MCTS1: variants seen among roughly 807,000 people sequenced by gnomAD.
MCTS1 encodes the protein MCTS1 re-initiation and release factor.
For synonymous variants in MCTS1, 26 were observed against 40.8 expected (o/e 0.64, Z 1.38); for missense variants, 55 against 128.6 (o/e 0.43, Z 2.77).
In MCTS1 at chrX:120,618,627, C is replaced by T. The variant is rs1273164957; in HGVS notation, c.*6363C>T. Among the ~76,000 whole-genome samples, 1 of 112,243 alleles carries T rather than the reference C, an allele frequency of 8.9e-6. No homozygotes were observed. The highest frequency in any genetic ancestry group is 2.8e-4 in the East Asian group (1 of 3,630). On this transcript the variant is annotated 3_prime_UTR_variant, in exon 6 of 6. Coordinates refer to ENST00000371317, the MANE Select transcript of MCTS1 (RefSeq NM_014060.3). The stretch of plus-strand genomic sequence containing the variant: ...TTAATGGGATAATAGCAATCTCTAA[C>T]CCATCAAATTAATATCTACTAAATA...
chrX:120,605,615 A>G, intron 2 of MCTS1, 56 bp downstream of exon 2: 1 of 1,054,528 alleles, frequency 9.5e-7, no homozygotes, highest in Non-Finnish European at 1.3e-6. Flanking sequence ...TTTAATGATT[A>G]GATTGCACTC....
intron 4 of MCTS1, among the ~76,000 whole-genome samples, chrX:120,609,007 A>G (rs889329449): frequency 8.9e-6 from 1 of 111,883 alleles, no homozygotes; most frequent in Non-Finnish European, 1.9e-5. Flanking sequence ...ATAATTCTGC[A>G]TTATTTCCAT....
chrX:120,607,838 G>A (rs754718031), intron 3 of MCTS1, among the ~76,000 whole-genome samples: 1 of 110,342 alleles, frequency 9.1e-6, no homozygotes, highest in South Asian at 3.8e-4. Context: ...CTTTTTAATC[G>A]TTTTTTTACT....
At chrX:120,609,308 G>A (rs1310818949) in intron 4 of MCTS1, among the ~76,000 whole-genome samples, 2 of 110,880 alleles carry the variant, frequency 1.8e-5, no homozygotes, top group Admixed American at 1.9e-4. Context: ...TCAGCCCCTC[G>A]AGTAGCTGAG....
At position 120,612,013 on chromosome X, in the gene MCTS1, C is replaced by T. The variant is rs185232395; in HGVS notation, c.465-170C>T. Among the ~76,000 whole-genome samples the T allele has an allele frequency of 2.9e-3, 325 of 111,719 alleles. 2 individuals carry two copies. Among genetic ancestry groups the T allele is most frequent in the Non-Finnish European group, 4.4e-3 (233 of 53,116 alleles). On this transcript the variant is annotated intron_variant, in intron 5 of 5. Coordinates refer to ENST00000371317, the MANE Select transcript of MCTS1 (RefSeq NM_014060.3). ...AAAATCACTTTTAGATATGAGCTGC[C>T]ACAGAGTAATGTAGTTTAATATAAA...
Position 120,617,834 on chromosome X carries a change from G to A in MCTS1, c.*5570G>A, listed in dbSNP as rs939837694. On this transcript the variant is annotated 3_prime_UTR_variant, in exon 6 of 6. Coordinates refer to ENST00000371317, the MANE Select transcript of MCTS1 (RefSeq NM_014060.3). ...TCACAAGCGTGTGAGTAAAAGACTG[G>A]GTTTTAAGCAATAAATCATTTGTTC... Among the ~76,000 whole-genome samples, 5 of 112,463 alleles carry A rather than the reference G, an allele frequency of 4.4e-5. No homozygotes were observed. The highest frequency in any genetic ancestry group is 1.6e-4 in the African/African-American group (5 of 30,949).
intron 5 of MCTS1, among the ~76,000 whole-genome samples, chrX:120,611,791 C>T (rs772204650): frequency 4.5e-5 from 5 of 112,098 alleles, no homozygotes; most frequent in Non-Finnish European, 9.4e-5. Context: ...CCTGGTAATA[C>T]AAGAAATGTA....
chrX:120,604,423 C>A, intron 1 of MCTS1, 176 bp downstream of exon 1: 2 of 625,301 alleles, frequency 3.2e-6, no homozygotes, highest in Non-Finnish European at 4.7e-6. Context: ...TTTAAGCTTT[C>A]CATCCGTAGT....
In MCTS1 at chrX:120,620,039, C is replaced by T. The variant is rs1381026234; in HGVS notation, c.*7775C>T. ...GAAGATATCTGGGGAAGGCCGGGCA[C>T]GGTGGTTCACGCCTGTAATCCCAGT... On this transcript the variant is annotated 3_prime_UTR_variant, in exon 6 of 6. Coordinates refer to ENST00000371317, the MANE Select transcript of MCTS1 (RefSeq NM_014060.3). Among the ~76,000 whole-genome samples, 1 of 111,761 alleles carries T rather than the reference C, an allele frequency of 8.9e-6. No homozygotes were observed. Among genetic ancestry groups the T allele is most frequent in the East Asian group, 2.8e-4 (1 of 3,562 alleles).
intron 4 of MCTS1, 171 bp downstream of exon 4, chrX:120,608,529 GTTGC>G: frequency 2.0e-6 from 1 of 505,057 alleles, no homozygotes; most frequent in Non-Finnish European, 2.9e-6. Context: ...AATTTTATTT[GTTGC>G]TACTAAATTA....
Position 120,621,145 on chromosome X carries a change from T to C in MCTS1, c.*8881T>C. ...GGATATGTTTGGGTTAAATAAAATA[T>C]ATTACTAAAAGTAATTTCACCTGTG... On this transcript the variant is annotated 3_prime_UTR_variant, in exon 6 of 6. Transcript: ENST00000371317. The C allele has an allele frequency of 8.9e-6, 1 of 112,939 alleles. No homozygotes were observed. The highest frequency in any genetic ancestry group is 3.5e-4 in the South Asian group (1 of 2,823). 9.3% of individuals were successfully genotyped at this position (112,939 alleles called of 1,213,427 possible).
chrX:120,613,735 A>G lies in MCTS1; in HGVS notation c.*1471A>G, dbSNP rs1926765801. On this transcript the variant is annotated 3_prime_UTR_variant, in exon 6 of 6. Coordinates refer to ENST00000371317, the MANE Select transcript of MCTS1 (RefSeq NM_014060.3). ...TTTTTTAGTGCCTTCTTTTGAGTAA[A>G]GTCATACCAAACAGATGCCCAGAAC... 8.9e-6 allele frequency among the ~76,000 whole-genome samples: 1 copy of G among 111,839 alleles called. No individual in the cohort carries two copies. The highest frequency in any genetic ancestry group is 9.6e-5 in the Admixed American group (1 of 10,462).
intron 2 of MCTS1, 23 bp from the exon 3 acceptor site, chrX:120,606,056 A>G: frequency 1.1e-6 from 1 of 914,989 alleles, no homozygotes. Context: ...CTAACTTGGT[A>G]CTTTGTGACA....
intron 2 of MCTS1, 143 bp from the exon 3 acceptor site, chrX:120,605,936 A>G: frequency 2.7e-6 from 1 of 376,135 alleles, no homozygotes; most frequent in Non-Finnish European, 4.5e-6. Flanking sequence ...CTTGCATGAT[A>G]GGAAAAACAA....
chrX:120,606,913 G>C (rs1327282873), intron 3 of MCTS1, among the ~76,000 whole-genome samples: 1 of 111,585 alleles, frequency 9.0e-6, no homozygotes, highest in East Asian at 2.8e-4. Context: ...TAATAGTCTA[G>C]TTTGGAGAAT....
In MCTS1 at chrX:120,615,960, C is replaced by T. The variant is rs1926840102; in HGVS notation, c.*3696C>T. 8.9e-6 allele frequency among the ~76,000 whole-genome samples: 1 copy of T among 112,425 alleles called. No individual in the cohort carries two copies. Among genetic ancestry groups the T allele is most frequent in the African/African-American group, 3.2e-5 (1 of 31,032 alleles). ...AATGATATCCAGCCAGGTTCCCTGT[C>T]GTACCCAAATCAGTAACTGAAGATA... On this transcript the variant is annotated 3_prime_UTR_variant, in exon 6 of 6. Coordinates refer to ENST00000371317, the MANE Select transcript of MCTS1 (RefSeq NM_014060.3).
rs554802776 is a variant in MCTS1, at chrX:120,612,853, T to G, written c.*589T>G. On this transcript the variant is annotated 3_prime_UTR_variant, in exon 6 of 6. Coordinates refer to ENST00000371317, the MANE Select transcript of MCTS1 (RefSeq NM_014060.3). The stretch of plus-strand genomic sequence containing the variant: ...CAGTCTTATTTCATCTATACCTCAA[T>G]TATTTCTCCCCACCCCCCAATTATT... Among the ~76,000 whole-genome samples the G allele has an allele frequency of 7.3e-5, 8 of 109,960 alleles. No individual in the cohort carries two copies. In the South Asian group the frequency reaches 3.1e-3, roughly 43 times the overall value.
chrX:120,612,303 G>A lies in MCTS1; in HGVS notation c.*39G>A, dbSNP rs768071788. On this transcript the variant is annotated 3_prime_UTR_variant, in exon 6 of 6. Transcript: ENST00000371317. Reference sequence around the variant, plus strand: ...TGCACTTGGGCTAAATATGGATATTGTGCTGTATCTGTGTTTGTGTCTGTG... The same window carrying A: ...TGCACTTGGGCTAAATATGGATATTATGCTGTATCTGTGTTTGTGTCTGTG... The A allele has an allele frequency of 4.0e-6, 4 of 1,005,012 alleles. No homozygotes were observed. In the African/African-American group the frequency reaches 7.6e-5, roughly 19 times the overall value. The allele number at this position is 1,005,012 out of a possible 1,213,427, so 82.8% of individuals were successfully genotyped here.
In MCTS1 at chrX:120,617,786, A is replaced by C. The variant is rs1450567347; in HGVS notation, c.*5522A>C. On this transcript the variant is annotated 3_prime_UTR_variant, in exon 6 of 6. Transcript: ENST00000371317. ...AACGTCCATTTAATAATCTATGGTG[A>C]AATAGGTAATTTCTTCTTATTTTCA... Among the ~76,000 whole-genome samples, 1 of 112,469 alleles carries C rather than the reference A, an allele frequency of 8.9e-6. No homozygotes were observed. Among genetic ancestry groups the C allele is most frequent in the Non-Finnish European group, 1.9e-5 (1 of 53,299 alleles).
Sources: allele counts gnomAD v4.1 joint callset (sites outside exome capture counted in the v4.1 genomes callset), GRCh38; gene constraint gnomAD v4.1.1; transcripts MANE v1.5; gene names NCBI Gene and HGNC (gene_info 2026-07-23, HGNC 2026-07-21).